The following VLDLR variants were observed in gnomAD, a reference collection of about 807,000 sequenced individuals.
VLDLR encodes very low density lipoprotein receptor, also known as very low-density lipoprotein receptor.
A neutral mutation model predicts 112.7 loss-of-function variants in VLDLR; 81 were observed. The observed-to-expected ratio is 0.72, with a 90% CI of 0.60 to 0.86. VLDLR has a LOEUF of 0.86. Among genes scored for constraint, VLDLR ranks in the 40% least tolerant of loss-of-function variants. VLDLR has a pLI of 0.00. For synonymous variants in VLDLR, 436 were observed against 384.8 expected (o/e 1.13, Z -1.56); for missense variants, 1,237 against 1,099.4 (o/e 1.13, Z -1.77).
rs1406645751 is a variant in VLDLR at position 2,655,382 on chromosome 9, CTT to C, written c.*1515_*1516del. The C allele has an allele frequency of 1.3e-5, 2 of 152,120 alleles. No homozygotes were observed. Among genetic ancestry groups the C allele is most frequent in the Non-Finnish European group, 1.5e-5 (1 of 68,036 alleles). 9.4% of individuals were successfully genotyped at this position (152,120 alleles called of 1,614,324 possible). ...TCTGGAAGCAAGGAAAGACAAAAGA[CTT>C]GAAGCACCGGGTGCATGCTGTGTGT... On this transcript the variant is annotated 3_prime_UTR_variant, in exon 19 of 19. Transcript: ENST00000382100.
chr9:2,624,101 TAA>T, intron 1 of VLDLR, among the ~76,000 whole-genome samples: 1 of 152,194 alleles, frequency 6.6e-6, no homozygotes, highest in African/African-American at 2.4e-5. Flanking sequence ...GGAATGCACC[TAA>T]ACTACTGACA....
At chr9:2,635,333 A>G in intron 1 of VLDLR, 120 bp from the exon 2 acceptor site, 2 of 1,497,692 alleles carry the variant, frequency 1.3e-6, no homozygotes, top group Non-Finnish European at 1.8e-6. Context: ...TCTGGCCCTT[A>G]GGATGTCATA....
chr9:2,650,642 A>G (rs1349320811), intron 15 of VLDLR, 126 bp downstream of exon 15: 11 of 1,327,316 alleles, frequency 8.3e-6, no homozygotes, highest in African/African-American at 1.5e-5. Context: ...GATATCTGCT[A>G]TTGTATGCCG....
chr9:2,622,069 C>T lies in VLDLR; in HGVS notation c.-121C>T, dbSNP rs886063803. 135 of 965,966 alleles carry T rather than the reference C, an allele frequency of 1.4e-4. 1 individual carries two copies. In the East Asian group the frequency reaches 4.2e-3, roughly 30 times the overall value. The allele number at this position is 965,966 out of a possible 1,614,324, so 59.8% of individuals were successfully genotyped here. The stretch of plus-strand genomic sequence containing the variant: ...CCTTCCCCCGCCAACTCCTTCCCCT[C>T]CTTCTCCCCCTTTCCCCTCCCCGCC... On this transcript the variant is annotated 5_prime_UTR_variant, in exon 1 of 19. Coordinates refer to ENST00000382100, the MANE Select transcript of VLDLR (RefSeq NM_003383.5).
intron 1 of VLDLR, among the ~76,000 whole-genome samples, chr9:2,624,764 A>G (rs919899918): frequency 6.6e-6 from 1 of 152,212 alleles, no homozygotes; most frequent in Non-Finnish European, 1.5e-5. Context: ...CAATGAAGGT[A>G]TGACGATGAT....
At chr9:2,635,753 G>C (rs1254016734) in intron 2 of VLDLR, among the ~76,000 whole-genome samples, 181 bp downstream of exon 2, 1 of 152,186 alleles carries the variant, frequency 6.6e-6, no homozygotes, top group African/African-American at 2.4e-5. Context: ...CTTGAGAATG[G>C]AATGATAAGG....
At chr9:2,639,288 G>A (rs1041498702) in intron 2 of VLDLR, among the ~76,000 whole-genome samples, 1 of 152,210 alleles carries the variant, frequency 6.6e-6, no homozygotes, top group Admixed American at 6.5e-5. Context: ...GAGAGAGAGA[G>A]TAAGCGCTCT....
rs117362123 is a variant in VLDLR at position 2,658,220 on chromosome 9, T to C, written c.*4352T>C. On this transcript the variant is annotated 3_prime_UTR_variant, in exon 19 of 19. Coordinates refer to ENST00000382100, the MANE Select transcript of VLDLR (RefSeq NM_003383.5). ...CATTTTACCAGTGAGGCTCTAGATA[T>C]GAAACTTAGGGATCCATAGATAAAT... The C allele has an allele frequency of 6.6e-5, 10 of 152,330 alleles. No homozygotes were observed. In the East Asian group the frequency reaches 1.9e-3, roughly 29 times the overall value. 9.4% of individuals were successfully genotyped at this position (152,330 alleles called of 1,614,324 possible).
At position 2,656,214 on chromosome 9, in the gene VLDLR, A is replaced by G. The variant is rs976331034; in HGVS notation, c.*2346A>G. Reference sequence around the variant, plus strand: ...TTTTACCACGTCCTCCCCAGTAAGAAGCCAAGGTACAACTCATTGTACCTA... The same window carrying G: ...TTTTACCACGTCCTCCCCAGTAAGAGGCCAAGGTACAACTCATTGTACCTA... On this transcript the variant is annotated 3_prime_UTR_variant, in exon 19 of 19. Coordinates refer to ENST00000382100, the MANE Select transcript of VLDLR (RefSeq NM_003383.5). The G allele has an allele frequency of 2.0e-5, 3 of 152,132 alleles. No homozygotes were observed. Among genetic ancestry groups the G allele is most frequent in the Admixed American group, 2.0e-4 (3 of 15,278 alleles). 9.4% of individuals were successfully genotyped at this position (152,132 alleles called of 1,614,324 possible).
Position 2,622,220 on chromosome 9 carries a change from C to G in VLDLR, c.31C>G (p.Leu11Val), listed in dbSNP as rs765626542. ...CACGTCCGCGCTCTGGGCGCTCTGG[C>G]TGCTGCTCGCGCTGTGCTGGGCGCC... is the stretch of plus-strand genomic sequence containing the variant. MGTSALWALWLLLALCWAPRE... is the reference protein window; with the variant it reads MGTSALWALWVLLALCWAPRE... The change falls in exon 1 of 19, where the codon CTG becomes GTG. Residue 11 changes from leucine to valine, a missense_variant. Transcript: ENST00000382100. 2 of 1,506,138 alleles carry G rather than the reference C, an allele frequency of 1.3e-6. No individual in the cohort carries two copies. Among genetic ancestry groups the G allele is most frequent in the Non-Finnish European group, 8.8e-7 (1 of 1,134,270 alleles). The allele number at this position is 1,506,138 out of a possible 1,614,324, so 93.3% of individuals were successfully genotyped here.
rs1253496593 is a variant in VLDLR at position 2,648,654 on chromosome 9, G to A, written c.1963-15G>A. On this transcript the variant is annotated splice_polypyrimidine_tract_variant and intron_variant, in intron 13 of 18. Coordinates refer to ENST00000382100, the MANE Select transcript of VLDLR (RefSeq NM_003383.5). ...AATCCTGGATGTACATGCTAATTGT[G>A]GGCTTCTGTTTTAGGATCGTGTCTA... The A allele has an allele frequency of 6.2e-7, 1 of 1,614,006 alleles. No individual in the cohort carries two copies.
chr9:2,623,273 C>T (rs1044060386), intron 1 of VLDLR, among the ~76,000 whole-genome samples: 1 of 152,200 alleles, frequency 6.6e-6, no homozygotes, highest in African/African-American at 2.4e-5. Flanking sequence ...CTTGGGGCCT[C>T]GTAACTTTCC....
chr9:2,655,012 G>C lies in VLDLR; in HGVS notation c.*1144G>C, dbSNP rs535243155. 6.4e-4 allele frequency: 98 copies of C among 152,278 alleles called. No individual in the cohort carries two copies. The highest frequency in any genetic ancestry group is 2.3e-3 in the African/African-American group (96 of 41,552). The allele number at this position is 152,278 out of a possible 1,614,324, so 9.4% of individuals were successfully genotyped here. A position where few individuals can be genotyped will look rare whatever the true frequency, so the allele number is the denominator to read the frequency against. ...GAACAGAAGCATCTGCATCACCTGG[G>C]AATGTATTAGAAATGCAAGTTCCCA... is the stretch of plus-strand genomic sequence containing the variant. On this transcript the variant is annotated 3_prime_UTR_variant, in exon 19 of 19. Transcript: ENST00000382100.
intron 1 of VLDLR, among the ~76,000 whole-genome samples, chr9:2,632,740 G>A (rs1817411937): frequency 6.6e-6 from 1 of 152,110 alleles, no homozygotes; most frequent in African/African-American, 2.4e-5. Flanking sequence ...GTGGCTAAGG[G>A]CTGGGCATTC....
rs1398858251 is a variant in VLDLR, at chr9:2,648,275, T to C, written c.1890T>C (p.Asn630=). The C allele has an allele frequency of 1.9e-6, 3 of 1,614,128 alleles. No individual in the cohort carries two copies. The highest frequency in any genetic ancestry group is 1.3e-5 in the African/African-American group (1 of 74,960). ...ACATGTTATCCAGCGTGGACTTGAA[T>C]GGCCAAGATCGTAGGATAGTACTAA... ...KLHMLSSVDL[N]GQDRRIVLKS... The change falls in exon 13 of 19, where the codon AAT becomes AAC. Residue 630 remains asparagine (N), a synonymous_variant. Coordinates refer to ENST00000382100, the MANE Select transcript of VLDLR (RefSeq NM_003383.5).
Position 2,645,729 on chromosome 9 carries a change from C to T in VLDLR, c.1468C>T (p.Gln490Ter). Residue 490 changes from glutamine to a stop codon, truncating the protein, a stop_gained, in exon 10 of 19, where the codon CAA becomes TAA. Transcript: ENST00000382100. LOFTEE classifies it high-confidence loss of function. Reference sequence around the variant, plus strand: ...GAAACTATTCTGGGCCGATCTAAGCCAAAAGGCTATCTTCAGGTAACTTTC... The same window carrying T: ...GAAACTATTCTGGGCCGATCTAAGCTAAAAGGCTATCTTCAGGTAACTTTC... ...AQKLFWADLSQKAIFSASIDD... is the reference protein window; with the variant it reads ...AQKLFWADLS The T allele has an allele frequency of 4.3e-6, 7 of 1,614,128 alleles. No homozygotes were observed. The highest frequency in any genetic ancestry group is 5.1e-6 in the Non-Finnish European group (6 of 1,180,022).
rs1054116228 is a variant in VLDLR, at chr9:2,657,699, C to T, written c.*3831C>T. 3 of 152,218 alleles carry T rather than the reference C, an allele frequency of 2.0e-5. No individual in the cohort carries two copies. Among genetic ancestry groups the T allele is most frequent in the Non-Finnish European group, 4.4e-5 (3 of 68,052 alleles). The allele number at this position is 152,218 out of a possible 1,614,324, so 9.4% of individuals were successfully genotyped here. ...TTGGCGGCTGCTGGCCAAGTGTGCA[C>T]ACTTAGCCCTGGTTGAGGTGCATTG... On this transcript the variant is annotated 3_prime_UTR_variant, in exon 19 of 19. Transcript: ENST00000382100.
At position 2,640,130 on chromosome 9, in the gene VLDLR, A is replaced by T; in HGVS notation, c.325+149A>T. ...TGACTCCAAGGGCAGTCAAATCATTACCAGTTTATCAGCCTCCTTTAAAGA... is the reference window on the plus strand; with the variant it reads ...TGACTCCAAGGGCAGTCAAATCATTTCCAGTTTATCAGCCTCCTTTAAAGA... On this transcript the variant is annotated intron_variant, in intron 3 of 18. Coordinates refer to ENST00000382100, the MANE Select transcript of VLDLR (RefSeq NM_003383.5). The T allele has an allele frequency of 3.9e-6, 5 of 1,291,190 alleles. 1 individual carries two copies. The Admixed American group carries it at 8.6e-5, about 22-fold the overall frequency. 80.0% of individuals were successfully genotyped at this position (1,291,190 alleles called of 1,614,324 possible). A position where few individuals can be genotyped will look rare whatever the true frequency, so the allele number is the denominator to read the frequency against.
intron 1 of VLDLR, among the ~76,000 whole-genome samples, chr9:2,624,108 C>T (rs558473773): frequency 6.6e-6 from 1 of 152,318 alleles, no homozygotes; most frequent in Non-Finnish European, 1.5e-5. Context: ...ACCTAAACTA[C>T]TGACATGAGT....
Sources: gnomAD v4.1 joint callset for allele counts (sites outside exome capture counted in the v4.1 genomes callset) on GRCh38, gnomAD v4.1.1 for gene constraint, MANE v1.5 for transcripts, NCBI Gene and HGNC (gene_info 2026-07-23, HGNC 2026-07-21) for gene names.